Variants in MAP2K3 observed in about 807,000 individuals in gnomAD.
The protein encoded by MAP2K3 is mitogen-activated protein kinase kinase 3.
In MAP2K3, 30 loss-of-function variants were observed where a neutral mutation model predicts 46.4. That is an observed-to-expected ratio of 0.65 (90% CI 0.48 to 0.88). The LOEUF (loss-of-function observed/expected upper bound fraction) is 0.88. Ranked by LOEUF, MAP2K3 falls within the 40% of genes least tolerant of loss-of-function variation. The probability of loss-of-function intolerance (pLI) is 0.00; values close to 1 mark genes in which losing one functional copy is unlikely to be tolerated. For missense variants in MAP2K3, 380 were observed against 464.5 expected, an observed-to-expected ratio of 0.82 and a Z score of 1.67; for synonymous variants, 189 against 176.3, an observed-to-expected ratio of 1.07 and a Z score of -0.57.
intron 1 of MAP2K3, chr17:21,291,328 GAA>G (rs1567658313): frequency 2.9e-4 from 17 of 57,714 alleles, no homozygotes; most frequent in African/African-American, 2.5e-3. Flanking sequence ...GAATACAATA[GAA>G]TACAGTACAA....
intron 1 of MAP2K3, chr17:21,296,140 G>A: frequency 1.6e-6 from 2 of 1,289,606 alleles, no homozygotes; most frequent in Non-Finnish European, 2.0e-6. Context: ...GTCCCCATCT[G>A]CGCAGTGAAC....
chr17:21,298,328 G>C (rs746502153), intron 1 of MAP2K3, 85 bp from the exon 2 acceptor site: 1 of 1,582,666 alleles, frequency 6.3e-7, no homozygotes, highest in Admixed American at 1.7e-5. Flanking sequence ...GCACCCTTGT[G>C]GGCCAGGGCC....
chr17:21,284,979 C>A lies in MAP2K3; in HGVS notation c.49+10C>A. 6.2e-7 allele frequency: 1 copy of A among 1,607,404 alleles called. No individual in the cohort carries two copies. Among genetic ancestry groups the A allele is most frequent in the South Asian group, 1.1e-5 (1 of 89,782 alleles). On this transcript the variant is annotated intron_variant, in intron 1 of 11. Transcript: ENST00000342679. ...ATGCCCCAGTCCAAAGGTAGGCGCT[C>A]CCGGCCGGGACCTCGGCCTGACCCC...
intron 1 of MAP2K3, among the ~76,000 whole-genome samples, chr17:21,292,947 A>C (rs1027279387): frequency 7.2e-5 from 11 of 152,304 alleles, no homozygotes; most frequent in African/African-American, 2.4e-4. Flanking sequence ...CAGTTTCCCC[A>C]TCTGCAGCAT....
rs751386675 is a variant in MAP2K3, at chr17:21,302,134, C to T, written c.400-9C>T. The T allele has an allele frequency of 1.2e-6, 2 of 1,614,178 alleles. No homozygotes were observed. The highest frequency in any genetic ancestry group is 4.5e-5 in the East Asian group (2 of 44,890). Reference sequence around the variant, plus strand: ...GGCAGCCTGGCTGAGCTCTGGGTGTCACCCACAGGGAGACGTGTGGATCTG... The same window carrying T: ...GGCAGCCTGGCTGAGCTCTGGGTGTTACCCACAGGGAGACGTGTGGATCTG... On this transcript the variant is annotated splice_polypyrimidine_tract_variant and intron_variant, in intron 5 of 11. Transcript: ENST00000342679.
chr17:21,302,284 G>T, intron 6 of MAP2K3, 25 bp downstream of exon 6: 9 of 1,600,102 alleles, frequency 5.6e-6, no homozygotes, highest in East Asian at 2.2e-5. Context: ...TGGGCTGGCG[G>T]GGGGTCCTAG....
intron 1 of MAP2K3, chr17:21,295,859 G>A (rs1472681884): frequency 6.8e-5 from 87 of 1,287,626 alleles, no homozygotes; most frequent in Non-Finnish European, 8.4e-5. Context: ...GCTGGGGCCA[G>A]AGGGACCAAG....
chr17:21,292,222 G>A (rs1975980663), intron 1 of MAP2K3, among the ~76,000 whole-genome samples: 1 of 152,310 alleles, frequency 6.6e-6, no homozygotes, highest in South Asian at 2.1e-4. Flanking sequence ...GGAGAGTGCT[G>A]GGGCTGGCTT....
intron 1 of MAP2K3, 141 bp downstream of exon 1, chr17:21,285,110 G>A (rs1394659821): frequency 7.5e-7 from 1 of 1,329,602 alleles, no homozygotes; most frequent in Non-Finnish European, 1.0e-6. Flanking sequence ...CTTCCTGTTC[G>A]GGGTCCCGGG....
chr17:21,314,214 T>G lies in MAP2K3; in HGVS notation c.1028T>G (p.Leu343Arg), dbSNP rs1977301178. 3 of 1,613,926 alleles carry G rather than the reference T, an allele frequency of 1.9e-6. No homozygotes were observed. The highest frequency in any genetic ancestry group is 1.7e-5 in the Admixed American group (1 of 60,000). ...ATTGCTGCCTTCGTGAAGGAGATCC[T>G]GGGAGAAGACTCATAGGGGCTGGGC... ...TDIAAFVKEI[L>R]GEDS Residue 343 changes from leucine (L) to arginine (R), a missense_variant, in exon 12 of 12, where the codon CTG (leucine) becomes CGG (arginine). Around this residue, in one of 5 missense-constraint regions of MAP2K3, gnomAD observed 63 missense variants for 81.6 expected, o/e 0.77. Transcript: ENST00000342679.
chr17:21,302,279 TGGCG>T lies in MAP2K3; in HGVS notation c.516+23_516+26del. The T allele has an allele frequency of 4.3e-5, 20 of 469,550 alleles. No homozygotes were observed. Among genetic ancestry groups the T allele is most frequent in the Non-Finnish European group, 6.7e-5 (17 of 253,600 alleles). The allele number at this position is 469,550 out of a possible 1,614,324, so 29.1% of individuals were successfully genotyped here. ...GTGTCTGTGAGTGGCCTGGGTGGGC[TGGCG>T]GGGGGTCCTAGGTGCATAGGCAGAG... On this transcript the variant is annotated intron_variant, in intron 6 of 11. Transcript: ENST00000342679.
chr17:21,301,451 C>A (rs1976595155), intron 5 of MAP2K3, among the ~76,000 whole-genome samples: 1 of 152,310 alleles, frequency 6.6e-6, no homozygotes, highest in Admixed American at 6.5e-5. Context: ...TGCCTTCCGC[C>A]AAGCCGGGTG....
At chr17:21,308,391 A>G (rs1329721903) in intron 9 of MAP2K3, among the ~76,000 whole-genome samples, 10 of 152,216 alleles carry the variant, frequency 6.6e-5, no homozygotes, top group African/African-American at 2.2e-4. Context: ...CAGGTGATCC[A>G]CCTGCCTCAG....
intron 1 of MAP2K3, among the ~76,000 whole-genome samples, chr17:21,286,368 G>A (rs1471883632): frequency 6.6e-6 from 1 of 152,256 alleles, no homozygotes; most frequent in East Asian, 1.9e-4. Flanking sequence ...TGTTCTGGAG[G>A]GTGCAGGCCA....
At chr17:21,290,066 A>G (rs1214235759) in intron 1 of MAP2K3, among the ~76,000 whole-genome samples, 1 of 152,118 alleles carries the variant, frequency 6.6e-6, no homozygotes, top group Non-Finnish European at 1.5e-5. Flanking sequence ...TGATGCCCCC[A>G]AGGGCTTCCA....
chr17:21,300,554 G>A lies in MAP2K3; in HGVS notation c.175G>A (p.Val59Met), dbSNP rs767174366. Residue 59 changes from valine (V) to methionine (M), a missense_variant, in exon 4 of 12, where the codon GTG becomes ATG. Coordinates refer to ENST00000342679, the MANE Select transcript of MAP2K3 (RefSeq NM_145109.3). ...FITIGDRNFE[V>M]EADDLVTISE... Reference sequence around the variant, plus strand: ...TTTTCCATCCTTCAAGAACTTTGAGGTGGAGGCTGATGACTTGGTGACCAT... The same window carrying A: ...TTTTCCATCCTTCAAGAACTTTGAGATGGAGGCTGATGACTTGGTGACCAT... The A allele has an allele frequency of 2.7e-5, 44 of 1,610,412 alleles. No homozygotes were observed. Among genetic ancestry groups the A allele is most frequent in the East Asian group, 1.1e-4 (5 of 44,820 alleles).
At chr17:21,286,479 T>C (rs1975726764) in intron 1 of MAP2K3, among the ~76,000 whole-genome samples, 1 of 152,202 alleles carries the variant, frequency 6.6e-6, no homozygotes, top group Admixed American at 6.5e-5. Flanking sequence ...TAATTATGCC[T>C]TACATAAGTG....
intron 9 of MAP2K3, among the ~76,000 whole-genome samples, chr17:21,309,923 A>G (rs1977083605): frequency 6.6e-6 from 1 of 152,050 alleles, no homozygotes; most frequent in Non-Finnish European, 1.5e-5. Flanking sequence ...TTCTTTTTAA[A>G]AAACTTTTTA....
chr17:21,285,310 C>T (rs912437540), intron 1 of MAP2K3: 3 of 984,966 alleles, frequency 3.0e-6, no homozygotes, highest in African/African-American at 3.5e-5. Flanking sequence ...CCAGTCTTCT[C>T]CCTCAGCGGG....
Sources: allele counts gnomAD v4.1 joint callset (sites outside exome capture counted in the v4.1 genomes callset), GRCh38; gene constraint gnomAD v4.1.1; regional missense constraint gnomAD v4.1.1; transcripts MANE v1.5; gene names NCBI Gene and HGNC (gene_info 2026-07-23, HGNC 2026-07-21).